Variants in ROBO2 observed in about 807,000 individuals in gnomAD.
ROBO2 encodes the protein roundabout guidance receptor 2.
Under a neutral mutation model 160.8 loss-of-function variants are expected in ROBO2, and 53 were observed. The ratio of observed to expected loss-of-function variants is 0.33; its 90% CI spans 0.26 to 0.41. The LOEUF (loss-of-function observed/expected upper bound fraction) is 0.41. ROBO2 is among the 10% of genes least tolerant of loss of function. ROBO2 has a pLI of 1.00. For synonymous variants in ROBO2, 664 were observed against 611.7 expected, an observed-to-expected ratio of 1.09 and a Z score of -1.26; for missense variants, 1,577 against 1,722.4, an observed-to-expected ratio of 0.92 and a Z score of 1.49.
chr3:77,623,625 G>A (rs748994782), intron 23 of ROBO2, among the ~76,000 whole-genome samples: 3 of 152,260 alleles, frequency 2.0e-5, no homozygotes, highest in East Asian at 1.9e-4. Flanking sequence ...CAGATACACC[G>A]CTGTGATTTG....
chr3:76,264,332 T>G (rs1407093224), intron 2 of ROBO2, among the ~76,000 whole-genome samples: 1 of 19,588 alleles, frequency 5.1e-5, no homozygotes, highest in Non-Finnish European at 1.2e-3. Context: ...TTGTCTCTAG[T>G]TTTTTTTTTT....
At chr3:77,595,026 G>T in intron 17 of ROBO2, 116 bp from the exon 19 acceptor site, 1 of 776,976 alleles carries the variant, frequency 1.3e-6, no homozygotes, top group East Asian at 2.6e-5. Flanking sequence ...ATTATATTTT[G>T]TTAAAATTCC....
chr3:76,819,437 A>T (rs2065936188), intron 2 of ROBO2, among the ~76,000 whole-genome samples: 1 of 151,650 alleles, frequency 6.6e-6, no homozygotes, highest in Non-Finnish European at 1.5e-5. Flanking sequence ...AGGCTGCTTG[A>T]CTCTGAGGGG....
intron 2 of ROBO2, among the ~76,000 whole-genome samples, chr3:76,317,587 T>G (rs2072145310): frequency 6.6e-6 from 1 of 152,306 alleles, no homozygotes; most frequent in South Asian, 2.1e-4. Context: ...TCATTACGTC[T>G]GAGTTTCATT....
chr3:77,023,615 G>A (rs2062775151), intron 2 of ROBO2, among the ~76,000 whole-genome samples: 1 of 152,144 alleles, frequency 6.6e-6, no homozygotes, highest in Non-Finnish European at 1.5e-5. Context: ...TACTTTTAGA[G>A]TTCAAGGAAC....
chr3:76,326,282 A>T lies in ROBO2; in HGVS notation c.109+388680A>T, dbSNP rs149919720. Among the ~76,000 whole-genome samples the T allele has an allele frequency of 1.8e-3, 281 of 152,286 alleles. 1 individual carries two copies. The highest frequency in any genetic ancestry group is 6.5e-3 in the African/African-American group (268 of 41,546). On this transcript the variant is annotated intron_variant, in intron 2 of 26. Transcript: ENST00000487694. ...GAAAAATTTAAAGGGAATAAAAATG[A>T]CTATAACTCCTCTTTGTAAGAATAG...
At chr3:76,700,236 G>A (rs1424996392) in intron 2 of ROBO2, among the ~76,000 whole-genome samples, 1 of 151,696 alleles carries the variant, frequency 6.6e-6, no homozygotes, top group East Asian at 1.9e-4. Flanking sequence ...CTATTCTTTA[G>A]CATCGTTTTC....
intron 2 of ROBO2, among the ~76,000 whole-genome samples, chr3:77,026,771 C>A (rs1429482967): frequency 6.6e-6 from 1 of 152,106 alleles, no homozygotes; most frequent in Non-Finnish European, 1.5e-5. Context: ...CATATCATAT[C>A]CTGGCATATA....
chr3:76,956,588 T>TG (rs1480812117), intron 2 of ROBO2, among the ~76,000 whole-genome samples: 1 of 149,910 alleles, frequency 6.7e-6, no homozygotes, highest in Non-Finnish European at 1.5e-5. Context: ...GAAGCTAATC[T>TG]GGTGCATCAG....
At chr3:77,643,736 G>A (rs2095380607) in intron 24 of ROBO2, among the ~76,000 whole-genome samples, 2 of 152,108 alleles carry the variant, frequency 1.3e-5, no homozygotes, top group Admixed American at 6.6e-5. Context: ...GTTGTAGATA[G>A]GCCTCTCCAT....
chr3:76,500,634 C>G (rs2080408122), intron 2 of ROBO2, among the ~76,000 whole-genome samples: 1 of 152,134 alleles, frequency 6.6e-6, no homozygotes, highest in African/African-American at 2.4e-5. Flanking sequence ...AAAGCAGTCA[C>G]ATCAGTTTTT....
At chr3:76,760,428 A>C (rs1003259080) in intron 2 of ROBO2, among the ~76,000 whole-genome samples, 3 of 151,696 alleles carry the variant, frequency 2.0e-5, no homozygotes, top group African/African-American at 7.3e-5. Flanking sequence ...TTTAAAAATG[A>C]GTATAGCAAA....
chr3:76,723,226 C>A (rs267127), intron 2 of ROBO2, among the ~76,000 whole-genome samples: 1 of 151,754 alleles, frequency 6.6e-6, no homozygotes, highest in African/African-American at 2.4e-5. Flanking sequence ...ACATCATTTT[C>A]GAAATAAAAT....
At chr3:77,210,924 T>C (rs922767321) in intron 2 of ROBO2, among the ~76,000 whole-genome samples, 1 of 152,202 alleles carries the variant, frequency 6.6e-6, no homozygotes, top group Non-Finnish European at 1.5e-5. Context: ...GAACTTATCA[T>C]TTTTTATGGC....
chr3:76,792,839 G>C (rs1227247220), intron 2 of ROBO2, among the ~76,000 whole-genome samples: 3 of 151,572 alleles, frequency 2.0e-5, no homozygotes, highest in African/African-American at 7.3e-5. Flanking sequence ...CTAAAATGAG[G>C]CTCAATAATA....
At chr3:76,782,913 G>GT (rs1189912402) in intron 2 of ROBO2, among the ~76,000 whole-genome samples, 2 of 150,504 alleles carry the variant, frequency 1.3e-5, no homozygotes, top group Non-Finnish European at 3.0e-5. Context: ...CATTTTGTTA[G>GT]TTTTGGGGTT....
intron 2 of ROBO2, among the ~76,000 whole-genome samples, chr3:76,597,311 A>T (rs2086798743): frequency 6.6e-6 from 1 of 152,082 alleles, no homozygotes; most frequent in Non-Finnish European, 1.5e-5. Flanking sequence ...TGTGAAGAGG[A>T]TGAAAAGAAA....
At chr3:77,613,896 A>G in intron 21 of ROBO2, among the ~76,000 whole-genome samples, 1 of 152,220 alleles carries the variant, frequency 6.6e-6, no homozygotes. Flanking sequence ...AAACCTTCAT[A>G]CAAGATATGG....
At chr3:77,309,835 T>G (rs1044864010) in intron 2 of ROBO2, among the ~76,000 whole-genome samples, 1 of 152,166 alleles carries the variant, frequency 6.6e-6, no homozygotes, top group Middle Eastern at 3.2e-3. Context: ...CATAGAGAGA[T>G]AACTGATTTT....
Sources: gnomAD v4.1 joint callset for allele counts (sites outside exome capture counted in the v4.1 genomes callset) on GRCh38, gnomAD v4.1.1 for gene constraint, MANE v1.5 for transcripts, NCBI Gene and HGNC (gene_info 2026-07-23, HGNC 2026-07-21) for gene names.